The following GTF2E2 variants were observed in gnomAD, a reference collection of about 807,000 sequenced individuals.
GTF2E2 encodes transcription initiation factor IIE subunit beta.
Under a neutral mutation model 40.5 loss-of-function variants are expected in GTF2E2, and 21 were observed. That is an observed-to-expected ratio of 0.52 (90% confidence interval 0.37 to 0.75). The LOEUF is 0.75. Among genes scored for constraint, GTF2E2 ranks in the 30% least tolerant of loss-of-function variants. The pLI, the probability that GTF2E2 is intolerant of heterozygous loss-of-function variation, is 0.00. For missense variants in GTF2E2, 298 were observed against 338.4 expected (o/e 0.88, Z 0.94); for synonymous variants, 117 against 121.6 (o/e 0.96, Z 0.25).
Position 30,578,874 on chromosome 8 carries a change from A to G in GTF2E2, c.*47T>C. 1 of 930,060 alleles carries G rather than the reference A, an allele frequency of 1.1e-6. No homozygotes were observed. The highest frequency in any genetic ancestry group is 1.6e-5 in the African/African-American group (1 of 61,882). The allele number at this position is 930,060 out of a possible 1,614,324, so 57.6% of individuals were successfully genotyped here. ...TCAGACCCCGAGCATCAGCAAGAAC[A>G]CTCTTGATTGTGTATCTGTAACTCT... is the stretch of plus-strand genomic sequence containing the variant. On this transcript the variant is annotated 3_prime_UTR_variant, in exon 8 of 8. Transcript: ENST00000355904.
intron 2 of GTF2E2, among the ~76,000 whole-genome samples, chr8:30,648,542 GCC>G (rs760648408): frequency 4.6e-5 from 7 of 152,206 alleles, no homozygotes; most frequent in Non-Finnish European, 1.0e-4. Flanking sequence ...TCACTTCAGA[GCC>G]CCCTATGGCT....
At chr8:30,630,802 A>G (rs1213521738) in intron 3 of GTF2E2, among the ~76,000 whole-genome samples, 3 of 152,152 alleles carry the variant, frequency 2.0e-5, no homozygotes, top group Non-Finnish European at 2.9e-5. Flanking sequence ...TTCCAGTCAC[A>G]TATTTTTCAA....
At chr8:30,645,921 T>C (rs1802058951) in intron 2 of GTF2E2, 1 of 211,944 alleles carries the variant, frequency 4.7e-6, no homozygotes, top group African/African-American at 2.3e-5. Flanking sequence ...GATGCTAAAA[T>C]GATTTTATAA....
intron 6 of GTF2E2, among the ~76,000 whole-genome samples, chr8:30,582,704 G>A (rs1585930267): frequency 6.6e-6 from 1 of 152,250 alleles, no homozygotes; most frequent in African/African-American, 2.4e-5. Context: ...TTACTAGATT[G>A]AGGTTATGCA....
rs534238194 is a variant in GTF2E2 at position 30,631,657 on chromosome 8, C to A, written c.258+3375G>T. Among the ~76,000 whole-genome samples, 3 of 152,292 alleles carry A rather than the reference C, an allele frequency of 2.0e-5. No homozygotes were observed. The East Asian group carries it at 5.8e-4, about 29-fold the overall frequency. ...ACTGACAAAAAATAAGATATGCTAG[C>A]TGTCATACTGAGTAGTTTGAAGCAG... On this transcript the variant is annotated intron_variant, in intron 3 of 7. Coordinates refer to ENST00000355904, the MANE Select transcript of GTF2E2 (RefSeq NM_002095.6).
At chr8:30,635,215 T>C in intron 2 of GTF2E2, 92 bp from the exon 3 acceptor site, 1 of 710,072 alleles carries the variant, frequency 1.4e-6, no homozygotes, top group Middle Eastern at 2.9e-4. Flanking sequence ...AACATATTTC[T>C]TGAGTTTTTC....
At chr8:30,603,191 G>A (rs975549371) in intron 6 of GTF2E2, among the ~76,000 whole-genome samples, 6 of 152,058 alleles carry the variant, frequency 3.9e-5, no homozygotes, top group African/African-American at 9.7e-5. Flanking sequence ...ACAGGCTTAC[G>A]AATAAACATT....
At chr8:30,631,328 TATAA>T (rs1475033708) in intron 3 of GTF2E2, among the ~76,000 whole-genome samples, 1 of 152,194 alleles carries the variant, frequency 6.6e-6, no homozygotes, top group African/African-American at 2.4e-5. Context: ...AGAATTTAAA[TATAA>T]GTAATTCTCA....
chr8:30,643,756 T>C (rs1801947300), intron 2 of GTF2E2: 1 of 150,746 alleles, frequency 6.6e-6, no homozygotes, highest in African/African-American at 2.4e-5. Context: ...CAGAGAGTAA[T>C]AATTCTAAGT....
intron 6 of GTF2E2, among the ~76,000 whole-genome samples, chr8:30,600,205 A>G (rs552394452): frequency 6.6e-6 from 1 of 152,180 alleles, no homozygotes; most frequent in Non-Finnish European, 1.5e-5. Flanking sequence ...AATCAGCACA[A>G]ATGTGGCCTG....
chr8:30,607,600 T>C (rs1446250054), intron 5 of GTF2E2, among the ~76,000 whole-genome samples: 2 of 152,198 alleles, frequency 1.3e-5, no homozygotes, highest in African/African-American at 4.8e-5. Flanking sequence ...GTTTTTGAGT[T>C]TCTTTCTTGA....
At chr8:30,612,121 T>C (rs147689955) in intron 5 of GTF2E2, among the ~76,000 whole-genome samples, 178 bp downstream of exon 5, 150 of 152,342 alleles carry the variant, frequency 9.8e-4, no homozygotes, top group African/African-American at 3.2e-3. Context: ...CAGAGATGGC[T>C]GCTCCCTTTC....
At chr8:30,654,059 A>C (rs1444637389) in intron 1 of GTF2E2, among the ~76,000 whole-genome samples, 1 of 148,996 alleles carries the variant, frequency 6.7e-6, no homozygotes, top group East Asian at 2.0e-4. Context: ...ACTGCACTCT[A>C]GCCTGGGTGA....
intron 2 of GTF2E2, among the ~76,000 whole-genome samples, chr8:30,641,651 T>C (rs1449046940): frequency 1.3e-5 from 2 of 152,044 alleles, no homozygotes; most frequent in East Asian, 3.9e-4. Flanking sequence ...CCAAGGTGGG[T>C]GGATTACCTG....
chr8:30,645,729 G>GA (rs1374079559), intron 2 of GTF2E2: 76 of 911,572 alleles, frequency 8.3e-5, no homozygotes, highest in South Asian at 1.3e-4. Flanking sequence ...AGTAGAAGGG[G>GA]AAAAAAAAGT....
intron 2 of GTF2E2, among the ~76,000 whole-genome samples, chr8:30,645,047 G>T (rs1802016693): frequency 6.6e-6 from 1 of 152,144 alleles, no homozygotes; most frequent in African/African-American, 2.4e-5. Context: ...ACCATGCCTG[G>T]CCTGAATCTT....
intron 2 of GTF2E2, chr8:30,645,424 C>T (rs932538226): frequency 6.5e-7 from 1 of 1,535,664 alleles, no homozygotes; most frequent in Admixed American, 2.0e-5. Flanking sequence ...CTTTGTCATC[C>T]TGCTTTTATT....
intron 3 of GTF2E2, among the ~76,000 whole-genome samples, chr8:30,626,525 AT>A (rs1242215079): frequency 1.3e-5 from 2 of 152,156 alleles, no homozygotes; most frequent in Non-Finnish European, 2.9e-5. Flanking sequence ...AAGTTTTCAT[AT>A]TTTTTGCAAC....
Position 30,611,360 on chromosome 8 carries a change from A to G in GTF2E2, c.549+939T>C, listed in dbSNP as rs1033483283. On this transcript the variant is annotated intron_variant, in intron 5 of 7. Coordinates refer to ENST00000355904, the MANE Select transcript of GTF2E2 (RefSeq NM_002095.6). ...GACCCATAAAAGAGACAGTCAATGC[A>G]GACCAGCTCTGAGATGACTCGGCTG... Among the ~76,000 whole-genome samples, 4 of 152,354 alleles carry G rather than the reference A, an allele frequency of 2.6e-5. No homozygotes were observed. The South Asian group carries it at 8.3e-4, about 32-fold the overall frequency.
Sources: allele counts gnomAD v4.1 joint callset (sites outside exome capture counted in the v4.1 genomes callset), GRCh38; gene constraint gnomAD v4.1.1; transcripts MANE v1.5; gene names NCBI Gene and HGNC (gene_info 2026-07-23, HGNC 2026-07-21).